CCDC40: variants seen among roughly 807,000 people sequenced by gnomAD.
The protein encoded by CCDC40 is coiled-coil domain-containing protein 40.
Under a neutral mutation model 124.5 loss-of-function variants are expected in CCDC40, and 104 were observed. The ratio of observed to expected loss-of-function variants is 0.84; its 90% CI spans 0.71 to 0.98. The LOEUF (loss-of-function observed/expected upper bound fraction) is 0.98. Among genes scored for constraint, CCDC40 ranks in the 50% least tolerant of loss-of-function variants. The pLI, the probability that CCDC40 is intolerant of heterozygous loss-of-function variation, is 0.00. For synonymous variants in CCDC40, 580 were observed against 602.9 expected (o/e 0.96, Z 0.56); for missense variants, 1,463 against 1,503.9 (o/e 0.97, Z 0.45).
intron 7 of CCDC40, among the ~76,000 whole-genome samples, chr17:80,053,358 TG>T: frequency 6.6e-6 from 1 of 152,340 alleles, no homozygotes; most frequent in East Asian, 1.9e-4. Context: ...CTCCATCAGC[TG>T]CGCCTTGGAG....
At chr17:80,037,688 A>AGATATATATATATATATATATATAT (rs1555889124) in intron 1 of CCDC40, among the ~76,000 whole-genome samples, 1 of 45,678 alleles carries the variant, frequency 2.2e-5, no homozygotes, top group African/African-American at 5.9e-5. Context: ...TTTTTTAAAA[A>AGATATATATATATATATATATATAT]AGATATACAT....
chr17:80,048,864 G>A (rs1250711254), intron 5 of CCDC40, 103 bp downstream of exon 5: 1 of 1,048,690 alleles, frequency 9.5e-7, no homozygotes, highest in Non-Finnish European at 1.4e-6. Flanking sequence ...CCTAAATGCT[G>A]TACTTGTATC....
chr17:80,088,158 C>G, intron 16 of CCDC40, 56 bp downstream of exon 16: 1 of 1,228,334 alleles, frequency 8.1e-7, no homozygotes, highest in African/African-American at 1.5e-5. Flanking sequence ...ACCTACAGGC[C>G]TCTGTCCGTT....
At chr17:80,080,838 G>T (rs773891453) in intron 10 of CCDC40, among the ~76,000 whole-genome samples, 41 of 152,284 alleles carry the variant, frequency 2.7e-4, no homozygotes, top group Non-Finnish European at 5.0e-4. Flanking sequence ...GAAGGAACAA[G>T]GCCCAGTGTT....
intron 17 of CCDC40, among the ~76,000 whole-genome samples, chr17:80,091,045 G>A (rs2038713083): frequency 6.6e-6 from 1 of 152,192 alleles, no homozygotes; most frequent in Non-Finnish European, 1.5e-5. Flanking sequence ...CAGGGCGACT[G>A]TGTCAGCCGC....
intron 17 of CCDC40, among the ~76,000 whole-genome samples, chr17:80,093,281 G>C (rs533118118): frequency 6.6e-6 from 1 of 152,050 alleles, no homozygotes; most frequent in South Asian, 2.1e-4. Flanking sequence ...TCCTGGGTTC[G>C]AGCAATTCTC....
At chr17:80,080,208 A>AC (rs2038415387) in intron 10 of CCDC40, among the ~76,000 whole-genome samples, 3 of 100,112 alleles carry the variant, frequency 3.0e-5, no homozygotes, top group Non-Finnish European at 6.2e-5. Flanking sequence ...AAAAAAAAAG[A>AC]AAGAAAGGAA....
At chr17:80,042,869 T>C (rs975763952) in intron 3 of CCDC40, among the ~76,000 whole-genome samples, 3 of 152,084 alleles carry the variant, frequency 2.0e-5, no homozygotes, top group African/African-American at 7.2e-5. Flanking sequence ...GTTGTTTTTT[T>C]TTTTTTAATC....
In CCDC40 at chr17:80,087,472, G is replaced by C. The variant is rs996988576; in HGVS notation, c.2450-135G>C. ...GACGAGATTCAGGCAGGAGCGCCAG[G>C]AACGACAAGAGGGAGGGGATGAAGG... On this transcript the variant is annotated intron_variant, in intron 14 of 19. Coordinates refer to ENST00000397545, the MANE Select transcript of CCDC40 (RefSeq NM_017950.4). The surrounding 1 kb of genome is among the most constrained non-coding windows in gnomAD (Gnocchi z 4.5). 6 of 731,880 alleles carry C rather than the reference G, an allele frequency of 8.2e-6. No homozygotes were observed. The highest frequency in any genetic ancestry group is 1.7e-5 in the African/African-American group (1 of 57,566). The allele number at this position is 731,880 out of a possible 1,614,324, so 45.3% of individuals were successfully genotyped here.
chr17:80,048,378 G>A (rs543942743), intron 4 of CCDC40: 86 of 619,140 alleles, frequency 1.4e-4, no homozygotes, highest in Admixed American at 7.9e-4. Context: ...AAAACGGGAC[G>A]CTTTCTCTGG....
At chr17:80,061,744 C>T (rs2037902502) in intron 9 of CCDC40, among the ~76,000 whole-genome samples, 2 of 152,172 alleles carry the variant, frequency 1.3e-5, no homozygotes, top group South Asian at 4.1e-4. Flanking sequence ...ACAGAGTTGG[C>T]AAAGATAAGG....
At chr17:80,057,449 G>A (rs951079785) in intron 7 of CCDC40, among the ~76,000 whole-genome samples, 1 of 152,276 alleles carries the variant, frequency 6.6e-6, no homozygotes, top group African/African-American at 2.4e-5. Context: ...GATGATATGC[G>A]TCCAGCAGCC....
chr17:80,055,893 C>A (rs2143637192), intron 7 of CCDC40, among the ~76,000 whole-genome samples: 1 of 147,300 alleles, frequency 6.8e-6, no homozygotes, highest in Non-Finnish European at 1.5e-5. Context: ...GGCAGAGTAG[C>A]CTCGAACTCC....
intron 13 of CCDC40, 147 bp downstream of exon 13, chr17:80,085,135 A>G: frequency 9.2e-7 from 1 of 1,088,716 alleles, no homozygotes; most frequent in Non-Finnish European, 1.3e-6. Flanking sequence ...ACAAAATGGC[A>G]CGTGTGCCAA....
rs933336065 is a variant in CCDC40, at chr17:80,067,544, C to T, written c.1562+1938C>T. The T allele has an allele frequency of 2.1e-5, 32 of 1,512,514 alleles. No individual in the cohort carries two copies. In the Admixed American group the frequency reaches 2.2e-4, roughly 10 times the overall value. The allele number at this position is 1,512,514 out of a possible 1,614,324, so 93.7% of individuals were successfully genotyped here. Reference sequence around the variant, plus strand: ...GCTTCCCAAGTCAAAATATAAACACCGCTCGTTCCCGCCTTTCTACCACAT... The same window carrying T: ...GCTTCCCAAGTCAAAATATAAACACTGCTCGTTCCCGCCTTTCTACCACAT... On this transcript the variant is annotated intron_variant, in intron 10 of 19. Transcript: ENST00000397545.
rs545489144 is a variant in CCDC40, at chr17:80,065,612, G to T, written c.1562+6G>T. On this transcript the variant is annotated splice_donor_region_variant and intron_variant, in intron 10 of 19. Coordinates refer to ENST00000397545, the MANE Select transcript of CCDC40 (RefSeq NM_017950.4). ...GCGGTGCTGGAGGCGCTCAGGTACT[G>T]CAGGGCCACAGGCAGCGAGGATGTG... The T allele has an allele frequency of 3.1e-6, 5 of 1,612,064 alleles. No homozygotes were observed. Among genetic ancestry groups the T allele is most frequent in the East Asian group, 2.2e-5 (1 of 44,830 alleles).
intron 17 of CCDC40, among the ~76,000 whole-genome samples, chr17:80,091,494 G>A (rs1047361864): frequency 2.0e-5 from 3 of 152,016 alleles, no homozygotes; most frequent in Non-Finnish European, 2.9e-5. Flanking sequence ...AGGAGGCAAC[G>A]GTGTCATCCC....
intron 7 of CCDC40, among the ~76,000 whole-genome samples, chr17:80,052,100 C>T (rs1399737998): frequency 6.6e-6 from 1 of 152,220 alleles, no homozygotes; most frequent in African/African-American, 2.4e-5. Context: ...GGTCCTGGCC[C>T]CTGGAGAAAG....
At chr17:80,039,717 G>A in intron 2 of CCDC40, 95 bp from the exon 3 acceptor site, 2 of 1,485,548 alleles carry the variant, frequency 1.3e-6, no homozygotes, top group South Asian at 1.3e-5. Flanking sequence ...TATAAATGCA[G>A]TTTTCCCATT....
Sources: gnomAD v4.1 joint callset for allele counts (sites outside exome capture counted in the v4.1 genomes callset) on GRCh38, gnomAD v4.1.1 for gene constraint, Gnocchi (gnomAD v3.1) non-coding constraint, MANE v1.5 for transcripts, NCBI Gene and HGNC (gene_info 2026-07-23, HGNC 2026-07-21) for gene names.